The following CCDC30 variants were observed in gnomAD, a reference collection of about 807,000 sequenced individuals.
The protein encoded by CCDC30 is coiled-coil domain containing 30, also known as coiled-coil domain-containing protein 30.
A neutral mutation model predicts 100.2 loss-of-function variants in CCDC30; 70 were observed. The observed-to-expected ratio is 0.70, with a 90% CI of 0.58 to 0.85. CCDC30 has a LOEUF of 0.85. CCDC30 is among the 40% of genes least tolerant of loss of function. CCDC30 has a pLI of 0.00. For synonymous variants in CCDC30, 233 were observed against 269.5 expected (o/e 0.86, Z 1.33); for missense variants, 652 against 771.2 (o/e 0.85, Z 1.83).
intron 1 of CCDC30, chr1:42,473,097 A>G (rs1229906973): frequency 8.2e-7 from 1 of 1,225,610 alleles, no homozygotes; most frequent in Non-Finnish European, 1.0e-6. Flanking sequence ...GTGTTCATAT[A>G]CATATGCTTA....
At chr1:42,617,560 C>T (rs1263517873) in intron 11 of CCDC30, among the ~76,000 whole-genome samples, 4 of 151,956 alleles carry the variant, frequency 2.6e-5, no homozygotes, top group African/African-American at 4.8e-5. Flanking sequence ...ATCAGTCTCC[C>T]CAAAAATTTG....
At chr1:42,463,628 T>C (rs1484903898) in exon 1 of CCDC30, 3 of 152,170 alleles carry the variant, frequency 2.0e-5, no homozygotes, top group East Asian at 1.9e-4. Flanking sequence ...CCGCTTATTA[T>C]TAGAGCGGGC....
chr1:42,556,672 A>G (rs936441996), intron 6 of CCDC30, among the ~76,000 whole-genome samples: 2 of 152,214 alleles, frequency 1.3e-5, no homozygotes, highest in Admixed American at 1.3e-4. Flanking sequence ...TTGAGTTATC[A>G]TATACATTTG....
At chr1:42,502,562 G>A (rs558573569) in intron 6 of CCDC30, among the ~76,000 whole-genome samples, 1 of 152,286 alleles carries the variant, frequency 6.6e-6, no homozygotes, top group Non-Finnish European at 1.5e-5. Context: ...CGCTCATGCT[G>A]GGAGCTGTAG....
chr1:42,607,640 A>G (rs1646528825), intron 10 of CCDC30, among the ~76,000 whole-genome samples: 1 of 151,326 alleles, frequency 6.6e-6, no homozygotes. Flanking sequence ...TGTGGGTGAA[A>G]GTGCCCTGTT....
At chr1:42,556,248 C>A (rs1432562076) in intron 6 of CCDC30, 1 of 1,613,844 alleles carries the variant, frequency 6.2e-7, no homozygotes, top group South Asian at 1.1e-5. Context: ...GAGGAGGGCT[C>A]ACAACAGAAT....
At chr1:42,595,791 A>G (rs1646275445) in intron 10 of CCDC30, among the ~76,000 whole-genome samples, 1 of 152,084 alleles carries the variant, frequency 6.6e-6, no homozygotes, top group Admixed American at 6.6e-5. Flanking sequence ...ACTCCCTGAA[A>G]AATATATATT....
chr1:42,484,800 A>T (rs1644023393), intron 3 of CCDC30, among the ~76,000 whole-genome samples: 1 of 152,154 alleles, frequency 6.6e-6, no homozygotes, highest in African/African-American at 2.4e-5. Context: ...TTGGATGAAA[A>T]TGAAAAATTT....
intron 11 of CCDC30, among the ~76,000 whole-genome samples, chr1:42,617,999 T>C (rs1478757156): frequency 6.6e-6 from 1 of 152,178 alleles, no homozygotes; most frequent in Non-Finnish European, 1.5e-5. Flanking sequence ...AAGAACAGCT[T>C]GGAGGTTAGA....
chr1:42,647,776 G>T (rs1276150793), intron 15 of CCDC30, among the ~76,000 whole-genome samples: 4 of 151,952 alleles, frequency 2.6e-5, no homozygotes, highest in Non-Finnish European at 4.4e-5. Context: ...GAAAAACCTT[G>T]GAAACTACAC....
At chr1:42,643,793 A>G (rs948288049) in intron 13 of CCDC30, among the ~76,000 whole-genome samples, 1 of 152,238 alleles carries the variant, frequency 6.6e-6, no homozygotes, top group African/African-American at 2.4e-5. Context: ...GGTAGGTTAC[A>G]TTGCATAAGT....
rs762705632 is a variant in CCDC30, at chr1:42,576,987, T to C, written c.637-33T>C. ...CTAGTTCACATTCATTCCACACTTA[T>C]TTGTATTACTCTTACTTATTCTCTA... On this transcript the variant is annotated intron_variant, in intron 7 of 16. Coordinates refer to ENST00000668663, the Ensembl canonical transcript of CCDC30. 4 of 1,494,104 alleles carry C rather than the reference T, an allele frequency of 2.7e-6. No individual in the cohort carries two copies. The South Asian group carries it at 4.6e-5, about 17-fold the overall frequency. The allele number at this position is 1,494,104 out of a possible 1,614,324, so 92.6% of individuals were successfully genotyped here. A position where few individuals can be genotyped will look rare whatever the true frequency, so the allele number is the denominator to read the frequency against.
At chr1:42,611,190 ACCTT>A (rs1447450584) in intron 11 of CCDC30, 100 bp downstream of exon 15, 4 of 614,064 alleles carry the variant, frequency 6.5e-6, no homozygotes, top group African/African-American at 1.9e-5. Context: ...CACTGAAGCA[ACCTT>A]TCAAGAGGGC....
intron 2 of CCDC30, among the ~76,000 whole-genome samples, chr1:42,481,440 C>T (rs1363017782): frequency 1.3e-5 from 2 of 151,602 alleles, no homozygotes; most frequent in Non-Finnish European, 2.9e-5. Flanking sequence ...AGCCAGGCAT[C>T]GTGGTGCACA....
rs114635367 is a variant in CCDC30, at chr1:42,510,048, T to A, written c.456+11132T>A. ...AGGAAGGAAAAATACCATAGAAAAGTCTCGGGGTTTGTGTTGTAGAATTGG... is the reference window on the plus strand; with the variant it reads ...AGGAAGGAAAAATACCATAGAAAAGACTCGGGGTTTGTGTTGTAGAATTGG... On this transcript the variant is annotated intron_variant, in intron 6 of 16. Transcript: ENST00000668663. 1,690 of 984,924 alleles carry A rather than the reference T, an allele frequency of 1.7e-3. 26 individuals are homozygous for A. The African/African-American group carries it at 0.027, about 16-fold the overall frequency. 61.0% of individuals were successfully genotyped at this position (984,924 alleles called of 1,614,324 possible).
At chr1:42,570,301 G>A (rs983524381) in intron 7 of CCDC30, among the ~76,000 whole-genome samples, 3 of 151,504 alleles carry the variant, frequency 2.0e-5, no homozygotes, top group Non-Finnish European at 4.4e-5. Flanking sequence ...ACTCCAGCCT[G>A]GGTAATAGAG....
intron 6 of CCDC30, among the ~76,000 whole-genome samples, chr1:42,523,726 C>T (rs1644683254): frequency 6.6e-6 from 1 of 152,116 alleles, no homozygotes; most frequent in Admixed American, 6.5e-5. Flanking sequence ...GTTGGCCCAC[C>T]TGATGATGTC....
intron 1 of CCDC30, among the ~76,000 whole-genome samples, chr1:42,474,648 A>C (rs1318844131): frequency 2.0e-5 from 3 of 152,036 alleles, no homozygotes; most frequent in Admixed American, 6.5e-5. Context: ...CGTACTAAGA[A>C]CTCAGTCTCT....
At chr1:42,635,055 TTTTG>T (rs1029135104) in intron 11 of CCDC30, among the ~76,000 whole-genome samples, 1 of 152,156 alleles carries the variant, frequency 6.6e-6, no homozygotes, top group Non-Finnish European at 1.5e-5. Context: ...ATTTGGTTTT[TTTTG>T]TTTGTTTGTT....
Sources: gnomAD v4.1 joint callset for allele counts (sites outside exome capture counted in the v4.1 genomes callset) on GRCh38, gnomAD v4.1.1 for gene constraint, MANE v1.5 for transcripts, NCBI Gene and HGNC (gene_info 2026-07-23, HGNC 2026-07-21) for gene names.